The following MED27 variants were observed in gnomAD, a reference collection of about 807,000 sequenced individuals.
The protein encoded by MED27 is mediator of RNA polymerase II transcription subunit 27.
A neutral mutation model predicts 38.2 loss-of-function variants in MED27; 30 were observed. The ratio of observed to expected loss-of-function variants is 0.79; its 90% CI spans 0.59 to 1.07. The LOEUF (loss-of-function observed/expected upper bound fraction) is 1.07. Among genes scored for constraint, MED27 ranks in the 50% least tolerant of loss-of-function variants. The pLI is 0.00. For synonymous variants in MED27, 122 were observed against 153.5 expected (o/e 0.79, Z 1.52); for missense variants, 289 against 397.5 (o/e 0.73, Z 2.32).
intron 2 of MED27, among the ~76,000 whole-genome samples, chr9:132,063,493 G>A (rs1833742891): frequency 2.0e-5 from 3 of 152,326 alleles, no homozygotes; most frequent in Middle Eastern, 3.4e-3. Context: ...CCAACTGCCA[G>A]CAGGATAATG....
At chr9:132,008,233 C>A (rs1832402550) in intron 3 of MED27, among the ~76,000 whole-genome samples, 1 of 152,170 alleles carries the variant, frequency 6.6e-6, no homozygotes, top group African/African-American at 2.4e-5. Context: ...CACAGGTAAA[C>A]ACAGCTACAT....
chr9:132,047,093 T>C (rs557814227), intron 2 of MED27, among the ~76,000 whole-genome samples: 1 of 152,280 alleles, frequency 6.6e-6, no homozygotes, highest in Admixed American at 6.5e-5. Context: ...CTTAAAGATA[T>C]GTATGTAAAA....
At chr9:131,863,978 CCT>C (rs1260300768) in intron 6 of MED27, among the ~76,000 whole-genome samples, 1 of 152,204 alleles carries the variant, frequency 6.6e-6, no homozygotes, top group African/African-American at 2.4e-5. Context: ...AGCTCCTTAT[CCT>C]CTCTGCGTCT....
At chr9:132,022,824 G>A (rs1223953096) in intron 2 of MED27, among the ~76,000 whole-genome samples, 1 of 152,160 alleles carries the variant, frequency 6.6e-6, no homozygotes, top group Non-Finnish European at 1.5e-5. Context: ...AAAGAAGCAA[G>A]CAAAGGAGGA....
chr9:132,058,350 G>C (rs1240207979), intron 2 of MED27, among the ~76,000 whole-genome samples: 1 of 152,168 alleles, frequency 6.6e-6, no homozygotes, highest in African/African-American at 2.4e-5. Context: ...TGTCGTGGGA[G>C]GGACCCAGTG....
At chr9:132,016,841 T>TCAAACAAA (rs375612243) in intron 2 of MED27, among the ~76,000 whole-genome samples, 1 of 152,120 alleles carries the variant, frequency 6.6e-6, no homozygotes, top group Non-Finnish European at 1.5e-5. Context: ...GATCATTTGC[T>TCAAACAAA]CAAACAAACA....
intron 2 of MED27, among the ~76,000 whole-genome samples, chr9:132,067,902 C>T (rs1271526627): frequency 1.3e-5 from 2 of 152,018 alleles, no homozygotes; most frequent in Non-Finnish European, 2.9e-5. Flanking sequence ...TTAGTAGAGA[C>T]GGGGTTTCAC....
intron 3 of MED27, among the ~76,000 whole-genome samples, chr9:131,959,936 A>C (rs1181509531): frequency 1.3e-5 from 2 of 152,212 alleles, no homozygotes; most frequent in African/African-American, 4.8e-5. Flanking sequence ...ATTGCAACTA[A>C]GCCTGAGGAC....
intron 3 of MED27, among the ~76,000 whole-genome samples, chr9:131,958,387 A>G (rs1164802639): frequency 6.6e-6 from 1 of 151,950 alleles, no homozygotes; most frequent in Non-Finnish European, 1.5e-5. Context: ...CTGGGATTAC[A>G]GGCGTGCGCC....
chr9:131,907,209 CTCTCCCTCTCCCCACGG>C (rs1377147804), intron 4 of MED27, among the ~76,000 whole-genome samples: 6 of 151,808 alleles, frequency 4.0e-5, no homozygotes, highest in African/African-American at 1.5e-4. Flanking sequence ...CTCCCTCTCC[CTCTCCCTCTCCCCACGG>C]TCTCCCTCTC....
chr9:131,868,549 T>C (rs1196314856), intron 6 of MED27: 3 of 979,960 alleles, frequency 3.1e-6, no homozygotes, highest in Non-Finnish European at 3.6e-6. Flanking sequence ...GTGCTGGGAT[T>C]ACAGGCGTGC....
intron 2 of MED27, among the ~76,000 whole-genome samples, chr9:132,023,800 G>C (rs746103242): frequency 1.3e-5 from 2 of 151,866 alleles, no homozygotes; most frequent in Non-Finnish European, 2.9e-5. Flanking sequence ...GATGATGTCA[G>C]AAAAACAAAA....
chr9:131,886,083 T>C (rs1839135731), intron 5 of MED27, among the ~76,000 whole-genome samples: 1 of 152,242 alleles, frequency 6.6e-6, no homozygotes, highest in Non-Finnish European at 1.5e-5. Flanking sequence ...GTGTTGCATT[T>C]GACCCAGGAC....
chr9:131,935,706 T>C (rs1024259258), intron 4 of MED27, among the ~76,000 whole-genome samples: 5 of 152,108 alleles, frequency 3.3e-5, no homozygotes, highest in African/African-American at 1.2e-4. Flanking sequence ...TGACCACGGG[T>C]CGGGAGGCAG....
intron 2 of MED27, among the ~76,000 whole-genome samples, chr9:132,034,150 C>T (rs1833022951): frequency 6.6e-6 from 1 of 152,142 alleles, no homozygotes; most frequent in African/African-American, 2.4e-5. Context: ...TACTGCTCTC[C>T]CCCTCCCCCA....
chr9:132,073,312 A>G, intron 2 of MED27: 1 of 986,514 alleles, frequency 1.0e-6, no homozygotes, highest in Non-Finnish European at 1.2e-6. Context: ...ACAAGCAAGC[A>G]AACCACGAAA....
intron 4 of MED27, among the ~76,000 whole-genome samples, chr9:131,929,979 G>A (rs973872998): frequency 6.6e-6 from 1 of 152,222 alleles, no homozygotes; most frequent in African/African-American, 2.4e-5. Context: ...CTCAGGAGTG[G>A]TGGCCACAGT....
In MED27 at chr9:132,014,480, A is replaced by G. The variant is rs763922985; in HGVS notation, c.349-13T>C. The G allele has an allele frequency of 1.9e-6, 3 of 1,609,264 alleles. No homozygotes were observed. Among genetic ancestry groups the G allele is most frequent in the South Asian group, 1.1e-5 (1 of 89,966 alleles). On this transcript the variant is annotated splice_polypyrimidine_tract_variant and intron_variant, in intron 2 of 7. Transcript: ENST00000292035. ...CATGGTACTGCAACTGCAGAGAAAA[A>G]CAAAACAAAAGGGGAAGAAAAATAG...
intron 3 of MED27, among the ~76,000 whole-genome samples, chr9:131,995,162 G>A (rs1467666360): frequency 1.3e-5 from 2 of 152,088 alleles, no homozygotes; most frequent in Non-Finnish European, 2.9e-5. Flanking sequence ...AAAGTATGAG[G>A]TATGGACATG....
Sources: allele counts gnomAD v4.1 joint callset (sites outside exome capture counted in the v4.1 genomes callset), GRCh38; gene constraint gnomAD v4.1.1; transcripts MANE v1.5; gene names NCBI Gene and HGNC (gene_info 2026-07-23, HGNC 2026-07-21).